Variants in DNAJC8 observed in about 807,000 individuals in gnomAD.
DNAJC8 encodes the protein DnaJ heat shock protein family (Hsp40) member C8.
A neutral mutation model predicts 43.2 loss-of-function variants in DNAJC8; 24 were observed. The observed-to-expected ratio is 0.56, with a 90% CI of 0.40 to 0.78. DNAJC8 has a LOEUF of 0.78. DNAJC8 is among the 30% of genes least tolerant of loss of function. The pLI is 0.00. For synonymous variants in DNAJC8, 83 were observed against 98.0 expected (o/e 0.85, Z 0.90); for missense variants, 207 against 299.4 (o/e 0.69, Z 2.28).
intron 2 of DNAJC8, among the ~76,000 whole-genome samples, chr1:28,225,027 T>TA (rs1557713256): frequency 6.6e-6 from 1 of 150,988 alleles, no homozygotes; most frequent in East Asian, 1.9e-4. Flanking sequence ...AGCGGAGTGA[T>TA]AGAGAGGCCC....
intron 3 of DNAJC8, among the ~76,000 whole-genome samples, chr1:28,212,595 T>C (rs1334936444): frequency 1.3e-5 from 2 of 151,948 alleles, no homozygotes; most frequent in African/African-American, 2.4e-5. Flanking sequence ...CTTTTTTCTA[T>C]ATAAAATTTT....
intron 1 of DNAJC8, among the ~76,000 whole-genome samples, chr1:28,230,774 G>A (rs561646947): frequency 1.3e-5 from 2 of 152,264 alleles, no homozygotes; most frequent in African/African-American, 2.4e-5. Flanking sequence ...TCAGCCTTCC[G>A]GGCAGCTGAG....
At chr1:28,218,315 G>A (rs1413178289) in intron 2 of DNAJC8, among the ~76,000 whole-genome samples, 3 of 151,772 alleles carry the variant, frequency 2.0e-5, no homozygotes, top group Admixed American at 6.6e-5. Flanking sequence ...GGCTGGTCTC[G>A]AACTCCCGAC....
intron 7 of DNAJC8, among the ~76,000 whole-genome samples, chr1:28,204,610 A>G (rs1256570143): frequency 6.6e-6 from 1 of 152,132 alleles, no homozygotes; most frequent in Non-Finnish European, 1.5e-5. Context: ...AGTACTATAC[A>G]CTCACCAAAG....
intron 2 of DNAJC8, among the ~76,000 whole-genome samples, chr1:28,223,296 C>A (rs533558311): frequency 6.6e-6 from 1 of 152,204 alleles, no homozygotes; most frequent in South Asian, 2.1e-4. Flanking sequence ...AGGGAAGATG[C>A]CTACTCAGCG....
Position 28,200,577 on chromosome 1 carries a change from T to C in DNAJC8, c.*671A>G, listed in dbSNP as rs572368053. ...ATGGCTTGGGTATAAAAATTTATTA[T>C]ACATAAAGAATATTACCACTAACAA... On this transcript the variant is annotated 3_prime_UTR_variant, in exon 9 of 9. Coordinates refer to ENST00000263697, the MANE Select transcript of DNAJC8 (RefSeq NM_014280.3). 4.4e-6 allele frequency: 2 copies of C among 456,394 alleles called. No homozygotes were observed. The highest frequency in any genetic ancestry group is 1.5e-5 in the South Asian group (1 of 64,562). The allele number at this position is 456,394 out of a possible 1,614,324, so 28.3% of individuals were successfully genotyped here.
At chr1:28,213,999 G>C (rs905988684) in intron 3 of DNAJC8, among the ~76,000 whole-genome samples, 2 of 152,072 alleles carry the variant, frequency 1.3e-5, no homozygotes, top group Admixed American at 6.6e-5. Flanking sequence ...CTAGGTGACA[G>C]AGTGAGACCC....
chr1:28,231,142 G>T (rs548105142), intron 1 of DNAJC8, among the ~76,000 whole-genome samples: 1 of 152,214 alleles, frequency 6.6e-6, no homozygotes, highest in Non-Finnish European at 1.5e-5. Context: ...AGGCCAAGAC[G>T]GGAGGATTGC....
rs189046525 is a variant in DNAJC8, at chr1:28,212,630, A to G, written c.238-1993T>C. Among the ~76,000 whole-genome samples the G allele has an allele frequency of 4.1e-3, 628 of 152,224 alleles. 3 individuals carry two copies. Among genetic ancestry groups the G allele is most frequent in the Admixed American group, 7.3e-3 (111 of 15,274 alleles). On this transcript the variant is annotated intron_variant, in intron 3 of 8. Coordinates refer to ENST00000263697, the MANE Select transcript of DNAJC8 (RefSeq NM_014280.3). ...TTATAATAAACCAGCTAAAAAAAAA[A>G]GAACTTTCATAGGTAATTCAGATAC...
intron 2 of DNAJC8, among the ~76,000 whole-genome samples, chr1:28,215,425 C>A (rs1646844394): frequency 6.6e-6 from 1 of 152,116 alleles, no homozygotes; most frequent in African/African-American, 2.4e-5. Context: ...GGTTCTCAAT[C>A]AGAGTGAATA....
At chr1:28,212,634 C>CT (rs1166890859) in intron 3 of DNAJC8, among the ~76,000 whole-genome samples, 1 of 151,754 alleles carries the variant, frequency 6.6e-6, no homozygotes, top group Admixed American at 6.6e-5. Flanking sequence ...AAAAAAAGAA[C>CT]TTTCATAGGT....
At chr1:28,212,200 TATATATATATATATAA>T (rs1228979675) in intron 3 of DNAJC8, among the ~76,000 whole-genome samples, 1 of 120,216 alleles carries the variant, frequency 8.3e-6, no homozygotes, top group African/African-American at 3.2e-5. Context: ...TATATATATA[TATATATATATATATAA>T]ATGAAATTAA....
chr1:28,213,029 G>A (rs1479416796), intron 3 of DNAJC8, among the ~76,000 whole-genome samples: 3 of 152,186 alleles, frequency 2.0e-5, no homozygotes, highest in African/African-American at 4.8e-5. Flanking sequence ...AATGCCTTCT[G>A]TGTAATACAT....
chr1:28,228,928 T>C lies in DNAJC8; in HGVS notation c.174A>G (p.Pro58=), dbSNP rs1279260043. 6.2e-7 allele frequency: 1 copy of C among 1,612,348 alleles called. No individual in the cohort carries two copies. The highest frequency in any genetic ancestry group is 8.5e-7 in the Non-Finnish European group (1 of 1,179,822). The change falls in exon 2 of 9, where the codon CCA becomes CCG. Residue 58 remains proline (P), a synonymous_variant. Transcript: ENST00000263697. The part of the protein sequence containing the change: ...RPGSSYFNLN[P]FEVLQIDPEV... ...GCAACATCAATCGGCTCACCTCAAA[T>C]GGGTTCAAATTGAAGTAAGAGGAAC...
chr1:28,216,106 T>C (rs556598180), intron 2 of DNAJC8, among the ~76,000 whole-genome samples: 20 of 152,024 alleles, frequency 1.3e-4, no homozygotes, highest in African/African-American at 4.8e-4. Context: ...CCCAGTACTT[T>C]GGGAGGCCAA....
At chr1:28,220,887 C>T (rs918058425) in intron 2 of DNAJC8, among the ~76,000 whole-genome samples, 7 of 152,100 alleles carry the variant, frequency 4.6e-5, no homozygotes, top group Admixed American at 2.0e-4. Flanking sequence ...ACTCCTGTTG[C>T]GTCTCAGGCT....
chr1:28,221,042 T>C (rs1646894640), intron 2 of DNAJC8, among the ~76,000 whole-genome samples: 1 of 151,652 alleles, frequency 6.6e-6, no homozygotes, highest in Admixed American at 6.6e-5. Flanking sequence ...GATCTTCTGC[T>C]TGAAAAAGGA....
intron 4 of DNAJC8, 47 bp from the exon 5 acceptor site, chr1:28,210,113 A>G (rs1356230161): frequency 1.3e-6 from 2 of 1,532,200 alleles, no homozygotes; most frequent in African/African-American, 2.7e-5. Context: ...CACCCTCTGA[A>G]AGTCTGAACT....
At chr1:28,222,223 C>T (rs1473459557) in intron 2 of DNAJC8, among the ~76,000 whole-genome samples, 4 of 152,096 alleles carry the variant, frequency 2.6e-5, no homozygotes, top group Admixed American at 1.3e-4. Context: ...CAGTGGCTCA[C>T]ACCTGTAATC....
Sources: allele counts gnomAD v4.1 joint callset (sites outside exome capture counted in the v4.1 genomes callset), GRCh38; gene constraint gnomAD v4.1.1; transcripts MANE v1.5; gene names NCBI Gene and HGNC (gene_info 2026-07-23, HGNC 2026-07-21).